Variants in ERI1 observed in about 807,000 individuals in gnomAD.
ERI1 encodes exoribonuclease 1, also known as 3'-5' exoribonuclease 1.
In ERI1, 39 loss-of-function variants were observed where a neutral mutation model predicts 39.7. The ratio of observed to expected loss-of-function variants is 0.98; its 90% CI spans 0.76 to 1.28. The LOEUF is 1.28. ERI1 is among the 50% of genes most tolerant of loss of function. The pLI is 0.00. For synonymous variants in ERI1, 204 were observed against 149.6 expected (o/e 1.36, Z -2.65); for missense variants, 581 against 416.9 (o/e 1.39, Z -3.43).
intron 3 of ERI1, chr8:9,048,668 A>C (rs1340873700): frequency 6.6e-6 from 1 of 152,362 alleles, no homozygotes; most frequent in East Asian, 1.9e-4. Context: ...GTTTTGAGAC[A>C]GGATCTTGCT....
At chr8:9,061,320 A>G (rs989452319) in intron 3 of ERI1, among the ~76,000 whole-genome samples, 1 of 152,214 alleles carries the variant, frequency 6.6e-6, no homozygotes, top group Non-Finnish European at 1.5e-5. Context: ...GTGGGAGGCC[A>G]GATTGAAGTC....
At chr8:9,067,417 TGTGC>T (rs1798914969) in intron 3 of ERI1, among the ~76,000 whole-genome samples, 1 of 137,072 alleles carries the variant, frequency 7.3e-6, no homozygotes, top group South Asian at 2.5e-4. Flanking sequence ...TGTGTGTGTG[TGTGC>T]AATATCAATA....
In ERI1 at chr8:9,016,621, G is replaced by A. The variant is rs113799003; in HGVS notation, c.582+216G>A. Among the ~76,000 whole-genome samples the A allele has an allele frequency of 7.9e-3, 1,202 of 151,576 alleles. 15 individuals are homozygous for A. The highest frequency in any genetic ancestry group is 0.028 in the African/African-American group (1,155 of 41,356). On this transcript the variant is annotated intron_variant, in intron 4 of 6. Transcript: ENST00000250263. ...CCTTTCCTCTTAAGGAGTTGTAGTG[G>A]TGAATCGAAAGATTTCGTCTGTAAA...
chr8:9,004,933 C>T lies in ERI1; in HGVS notation c.108+1762C>T, dbSNP rs150300733. 5.4e-4 allele frequency among the ~76,000 whole-genome samples: 82 copies of T among 152,182 alleles called. 1 individual carries two copies. Among genetic ancestry groups the T allele is most frequent in the African/African-American group, 1.9e-3 (79 of 41,520 alleles). ...GAACTCCTGACCTCAGGTGATCCGC[C>T]CACCTCGGCCTCCCAAAGTGCTGGG... On this transcript the variant is annotated intron_variant, in intron 1 of 6. Transcript: ENST00000250263.
chr8:9,054,879 G>T (rs1798458000), intron 3 of ERI1, among the ~76,000 whole-genome samples: 1 of 152,262 alleles, frequency 6.6e-6, no homozygotes, highest in Non-Finnish European at 1.5e-5. Flanking sequence ...AGTGGGCAGA[G>T]ATCGTGCCAT....
chr8:9,011,259 T>G (rs1486279511), intron 2 of ERI1, among the ~76,000 whole-genome samples: 1 of 152,156 alleles, frequency 6.6e-6, no homozygotes, highest in Non-Finnish European at 1.5e-5. Context: ...CTGACAGTGT[T>G]TATGGTTTGA....
intron 3 of ERI1, among the ~76,000 whole-genome samples, chr8:9,046,720 C>T (rs1798184981): frequency 6.6e-6 from 1 of 152,198 alleles, no homozygotes; most frequent in East Asian, 1.9e-4. Flanking sequence ...CAGCTATTAG[C>T]TTGGTACAAA....
Position 9,029,796 on chromosome 8 carries a change from C to T in ERI1, c.812C>T (p.Pro271Leu). The T allele has an allele frequency of 1.2e-6, 2 of 1,613,988 alleles. No homozygotes were observed. Among genetic ancestry groups the T allele is most frequent in the Non-Finnish European group, 1.7e-6 (2 of 1,179,964 alleles). Residue 271 changes from proline (P) to leucine (L), a missense_variant, in exon 7 of 7, where the codon CCT becomes CTT. Transcript: ENST00000250263. ...ACTAAGCTGTTTATTTTTCAGGTTC[C>T]TAGAAGCCAAACCAAACTGACAATA... ...RKSYGNFYKV[P>L]RSQTKLTIML...
chr8:9,007,835 G>A (rs1054319904), intron 1 of ERI1, 135 bp from the exon 2 acceptor site: 22 of 1,331,992 alleles, frequency 1.7e-5, no homozygotes, highest in Non-Finnish European at 6.0e-6. Flanking sequence ...AGGAGCTGCA[G>A]TGAACACTTT....
At chr8:9,046,710 C>T (rs1275145554) in intron 3 of ERI1, among the ~76,000 whole-genome samples, 2 of 152,206 alleles carry the variant, frequency 1.3e-5, no homozygotes, top group African/African-American at 2.4e-5. Context: ...GTCTTTTATG[C>T]AGCTATTAGC....
intron 3 of ERI1, among the ~76,000 whole-genome samples, chr8:9,097,284 G>A (rs1472223288): frequency 1.3e-5 from 2 of 152,102 alleles, no homozygotes; most frequent in Non-Finnish European, 2.9e-5. Flanking sequence ...CTCATTAACA[G>A]TCGAGTGTTT....
At chr8:9,081,206 C>G (rs1376814135) in intron 3 of ERI1, among the ~76,000 whole-genome samples, 2 of 151,418 alleles carry the variant, frequency 1.3e-5, no homozygotes, top group Non-Finnish European at 2.9e-5. Flanking sequence ...ATCCAATCAC[C>G]TCCCACCAGG....
chr8:9,057,366 T>C (rs1798541924), intron 3 of ERI1, among the ~76,000 whole-genome samples: 1 of 152,220 alleles, frequency 6.6e-6, no homozygotes, highest in Non-Finnish European at 1.5e-5. Flanking sequence ...CTCTGGGCTG[T>C]GCTGCCTCAC....
chr8:9,069,025 C>T (rs1268872669), intron 3 of ERI1, among the ~76,000 whole-genome samples: 3 of 152,144 alleles, frequency 2.0e-5, no homozygotes, highest in African/African-American at 7.2e-5. Context: ...CGCTGTGTGG[C>T]CCAGGCTGGT....
At chr8:9,097,446 TG>T (rs1448596365) in intron 3 of ERI1, among the ~76,000 whole-genome samples, 1 of 152,096 alleles carries the variant, frequency 6.6e-6, no homozygotes, top group African/African-American at 2.4e-5. Context: ...GTGGATCTCC[TG>T]AGTATCACAG....
chr8:9,088,307 G>T (rs1799591094), intron 3 of ERI1, among the ~76,000 whole-genome samples: 1 of 151,892 alleles, frequency 6.6e-6, no homozygotes, highest in South Asian at 2.1e-4. Context: ...GAATAATTCA[G>T]GTCAAATTAG....
intron 3 of ERI1, among the ~76,000 whole-genome samples, chr8:9,064,174 AG>A (rs1465476376): frequency 9.6e-5 from 14 of 146,182 alleles, no homozygotes; most frequent in Admixed American, 2.0e-4. Context: ...CATGGAAATA[AG>A]GGATCGGGGG....
At chr8:9,068,075 C>T (rs1224249247) in intron 3 of ERI1, among the ~76,000 whole-genome samples, 2 of 152,184 alleles carry the variant, frequency 1.3e-5, no homozygotes, top group East Asian at 3.8e-4. Context: ...GTGGAGGAAG[C>T]AGAGAACATA....
intron 3 of ERI1, among the ~76,000 whole-genome samples, chr8:9,056,128 G>A (rs1250310589): frequency 6.6e-6 from 1 of 152,320 alleles, no homozygotes; most frequent in South Asian, 2.1e-4. Context: ...CTGGAGCTTC[G>A]AGGAGACATC....
Sources: gnomAD v4.1 joint callset for allele counts (sites outside exome capture counted in the v4.1 genomes callset) on GRCh38, gnomAD v4.1.1 for gene constraint, MANE v1.5 for transcripts, NCBI Gene and HGNC (gene_info 2026-07-23, HGNC 2026-07-21) for gene names.